Variants in CAMK4 observed in about 807,000 individuals in gnomAD.
CAMK4 encodes calcium/calmodulin dependent protein kinase IV.
CAMK4 carries 22 observed loss-of-function variants against 44.9 expected under a neutral mutation model. The observed-to-expected ratio is 0.49, with a 90% confidence interval of 0.35 to 0.70. The LOEUF (loss-of-function observed/expected upper bound fraction) is 0.70, where lower values mean the gene tolerates loss of function less well. Ranked by LOEUF, CAMK4 falls within the 30% of genes least tolerant of loss-of-function variation. The pLI, the probability that CAMK4 is intolerant of heterozygous loss-of-function variation, is 0.01. For synonymous variants in CAMK4, 218 were observed against 215.4 expected (o/e 1.01, Z -0.11); for missense variants, 498 against 586.8 (o/e 0.85, Z 1.56).
chr5:111,463,628 T>A (rs547027216), intron 7 of CAMK4, among the ~76,000 whole-genome samples: 1 of 152,346 alleles, frequency 6.6e-6, no homozygotes, highest in East Asian at 1.9e-4. Context: ...GGTGCTGCTA[T>A]ACATGGCTGA....
rs1254429026 is a variant in CAMK4 at position 111,486,572 on chromosome 5, G to C, written c.*2106G>C. On this transcript the variant is annotated 3_prime_UTR_variant, in exon 11 of 11. Transcript: ENST00000282356. ...TGGAAGAGCAAAGAGAGGGAAGGGG[G>C]TCTTTTTAGAAAGTGGCACTTGGCG... 6.6e-6 allele frequency: 1 copy of C among 150,912 alleles called. No homozygotes were observed. Among genetic ancestry groups the C allele is most frequent in the African/African-American group, 2.4e-5 (1 of 40,928 alleles). The allele number at this position is 150,912 out of a possible 1,614,324, so 9.3% of individuals were successfully genotyped here.
Position 111,488,373 on chromosome 5 carries a change from AAATT to A in CAMK4, c.*3908_*3911del, listed in dbSNP as rs1755704972. On this transcript the variant is annotated 3_prime_UTR_variant, in exon 11 of 11. Coordinates refer to ENST00000282356, the MANE Select transcript of CAMK4 (RefSeq NM_001744.6). Reference sequence around the variant, plus strand: ...CATGGATTTAACAAAAGACTTTTGAAAATTTTTTACATACTGATTTTAGAATAAT... The same window carrying A: ...CATGGATTTAACAAAAGACTTTTGAATTTTACATACTGATTTTAGAATAAT... 1 of 152,230 alleles carries A rather than the reference AAATT, an allele frequency of 6.6e-6. No homozygotes were observed. Among genetic ancestry groups the A allele is most frequent in the Admixed American group, 6.5e-5 (1 of 15,278 alleles). The allele number at this position is 152,230 out of a possible 1,614,324, so 9.4% of individuals were successfully genotyped here.
At chr5:111,483,924 C>G (rs892215382) in intron 10 of CAMK4, 102 bp from the exon 11 acceptor site, 6 of 893,974 alleles carry the variant, frequency 6.7e-6, no homozygotes, top group Non-Finnish European at 9.9e-6. Context: ...AACTTTAACG[C>G]TAACCTATAA....
intron 1 of CAMK4, among the ~76,000 whole-genome samples, chr5:111,331,334 G>A (rs1334677787): frequency 1.3e-5 from 2 of 151,792 alleles, no homozygotes; most frequent in Non-Finnish European, 2.9e-5. Flanking sequence ...CCCTGCAAAA[G>A]TACTCAACAT....
intron 1 of CAMK4, among the ~76,000 whole-genome samples, chr5:111,282,358 T>A (rs2112607078): frequency 6.6e-6 from 1 of 152,334 alleles, no homozygotes; most frequent in African/African-American, 2.4e-5. Context: ...CATTAACTAC[T>A]GGTAATTAAC....
chr5:111,223,689 T>C (rs976269692), upstream of CAMK4: 1 of 152,386 alleles, frequency 6.6e-6, no homozygotes, highest in African/African-American at 2.4e-5. This position sits in a 1 kb window ranked among gnomAD's most constrained non-coding sequence, Gnocchi z 4.3. Flanking sequence ...TTATTCCAAC[T>C]GAAGACTTCA....
Position 111,273,715 on chromosome 5 carries a change from AT to A in CAMK4, c.161+49072del, listed in dbSNP as rs1750631476. 8.3e-5 allele frequency among the ~76,000 whole-genome samples: 4 copies of A among 48,200 alleles called. 1 individual carries two copies. The highest frequency in any genetic ancestry group is 1.0e-3 in the South Asian group (1 of 966). The allele number at this position is 48,200 out of a possible 152,430, so 31.6% of individuals were successfully genotyped here. On this transcript the variant is annotated intron_variant, in intron 1 of 10. Transcript: ENST00000282356. Reference sequence around the variant, plus strand: ...TATATATATATATATATATATATATATATACACACACATACATACACACACA... The same window carrying A: ...TATATATATATATATATATATATATAATACACACACATACATACACACACA...
At chr5:111,362,897 T>C (rs1435013921) in intron 2 of CAMK4, among the ~76,000 whole-genome samples, 1 of 152,116 alleles carries the variant, frequency 6.6e-6, no homozygotes, top group Non-Finnish European at 1.5e-5. Context: ...GAATGGATAG[T>C]ACATTCCAAT....
Position 111,487,572 on chromosome 5 carries a change from T to C in CAMK4, c.*3106T>C, listed in dbSNP as rs142662797. The C allele has an allele frequency of 1.2e-3, 176 of 152,328 alleles. No homozygotes were observed. The highest frequency in any genetic ancestry group is 4.1e-3 in the African/African-American group (172 of 41,578). The allele number at this position is 152,328 out of a possible 1,614,324, so 9.4% of individuals were successfully genotyped here. ...TTAAGAAAAATAGATGAAAGTATAG[T>C]ATTTTTAATCCAATTCATCCAAATT... On this transcript the variant is annotated 3_prime_UTR_variant, in exon 11 of 11. Coordinates refer to ENST00000282356, the MANE Select transcript of CAMK4 (RefSeq NM_001744.6).
chr5:111,277,835 G>C (rs1750840670), intron 1 of CAMK4, among the ~76,000 whole-genome samples: 1 of 152,012 alleles, frequency 6.6e-6, no homozygotes, highest in Non-Finnish European at 1.5e-5. Context: ...TTAATGGTGA[G>C]AATCTAGGAT....
intron 7 of CAMK4, among the ~76,000 whole-genome samples, chr5:111,454,647 CAAAAAAAAA>C (rs66917170): frequency 8.7e-6 from 1 of 114,614 alleles, no homozygotes; most frequent in East Asian, 2.5e-4. Flanking sequence ...GTCACACAGA[CAAAAAAAAA>C]AAAAAAAGAA....
intron 1 of CAMK4, among the ~76,000 whole-genome samples, chr5:111,285,007 G>C (rs34030750): frequency 0.089 from 13,598 of 152,206 alleles, 744 homozygotes; most frequent in Non-Finnish European, 0.099. Flanking sequence ...GGAAATACTG[G>C]ATGATTTCTA....
At chr5:111,476,708 A>G (rs1755259396) in intron 8 of CAMK4, among the ~76,000 whole-genome samples, 1 of 151,912 alleles carries the variant, frequency 6.6e-6, no homozygotes, top group African/African-American at 2.4e-5. Flanking sequence ...TCATATCTTT[A>G]CCTTTTATAC....
chr5:111,363,643 T>A (rs188350404), intron 2 of CAMK4, among the ~76,000 whole-genome samples: 1 of 151,980 alleles, frequency 6.6e-6, no homozygotes, highest in Admixed American at 6.6e-5. Flanking sequence ...TTTGATGGAG[T>A]GGCCAGGAAA....
intron 2 of CAMK4, among the ~76,000 whole-genome samples, chr5:111,370,599 G>A (rs150953531): frequency 8.6e-4 from 131 of 152,218 alleles, no homozygotes; most frequent in Admixed American, 1.9e-3. Flanking sequence ...TTGTGCAGTA[G>A]TGACAAATAC....
intron 2 of CAMK4, among the ~76,000 whole-genome samples, chr5:111,363,293 A>T (rs1292841163): frequency 6.6e-6 from 1 of 152,118 alleles, no homozygotes; most frequent in Non-Finnish European, 1.5e-5. Context: ...GAACTGACCA[A>T]CCAATTCTAA....
intron 1 of CAMK4, among the ~76,000 whole-genome samples, chr5:111,232,556 C>T (rs1191969220): frequency 6.6e-6 from 1 of 152,064 alleles, no homozygotes; most frequent in Non-Finnish European, 1.5e-5. Context: ...AAGTTGATGT[C>T]AGACCAAAGA....
intron 1 of CAMK4, among the ~76,000 whole-genome samples, chr5:111,237,160 C>T (rs1482560783): frequency 6.6e-6 from 1 of 152,158 alleles, no homozygotes; most frequent in Non-Finnish European, 1.5e-5. Context: ...TACATATTTG[C>T]TGAGTAATAT....
chr5:111,258,389 A>G (rs748602760), intron 1 of CAMK4, among the ~76,000 whole-genome samples: 8 of 152,178 alleles, frequency 5.3e-5, no homozygotes, highest in Non-Finnish European at 8.8e-5. Context: ...TGATAAAGAC[A>G]CACCCAAAAC....
Sources: gnomAD v4.1 joint callset for allele counts (sites outside exome capture counted in the v4.1 genomes callset) on GRCh38, gnomAD v4.1.1 for gene constraint, Gnocchi (gnomAD v3.1) non-coding constraint, MANE v1.5 for transcripts, NCBI Gene and HGNC (gene_info 2026-07-23, HGNC 2026-07-21) for gene names.